The following RNF150 variants were observed in gnomAD, a reference collection of about 807,000 sequenced individuals.
RNF150 encodes the protein ring finger protein 150.
A neutral mutation model predicts 39.3 loss-of-function variants in RNF150; 24 were observed. The ratio of observed to expected loss-of-function variants is 0.61; its 90% confidence interval spans 0.44 to 0.86. The LOEUF (loss-of-function observed/expected upper bound fraction) is 0.86. Ranked by LOEUF, RNF150 falls within the 40% of genes least tolerant of loss-of-function variation. The probability of loss-of-function intolerance (pLI) is 0.00; values close to 1 mark genes in which losing one functional copy is unlikely to be tolerated. For missense variants in RNF150, 502 were observed against 587.8 expected (o/e 0.85, Z 1.51); for synonymous variants, 255 against 227.3 (o/e 1.12, Z -1.10).
chr4:140,874,189 C>G (rs932713577), intron 6 of RNF150, among the ~76,000 whole-genome samples: 1 of 152,156 alleles, frequency 6.6e-6, no homozygotes, highest in African/African-American at 2.4e-5. Flanking sequence ...TAAAGACTCA[C>G]AAGTTTCCCT....
chr4:141,201,181 T>C (rs986590591), intron 1 of RNF150, among the ~76,000 whole-genome samples: 22 of 152,052 alleles, frequency 1.4e-4, no homozygotes, highest in African/African-American at 5.1e-4. Flanking sequence ...ACCACCAATG[T>C]AGGTCCACAC....
At chr4:140,878,984 A>C (rs1428561928) in intron 6 of RNF150, among the ~76,000 whole-genome samples, 1 of 152,194 alleles carries the variant, frequency 6.6e-6, no homozygotes, top group Admixed American at 6.5e-5. Context: ...GTGGACCTCC[A>C]CTTTTCTCCA....
intron 1 of RNF150, among the ~76,000 whole-genome samples, chr4:141,201,270 C>T (rs1334370574): frequency 2.0e-5 from 3 of 152,150 alleles, no homozygotes; most frequent in African/African-American, 7.2e-5. Context: ...CCACATTACT[C>T]ACACAGAAGA....
At chr4:140,884,105 T>C (rs774996860) in intron 6 of RNF150, among the ~76,000 whole-genome samples, 8 of 152,174 alleles carry the variant, frequency 5.3e-5, no homozygotes, top group Non-Finnish European at 8.8e-5. Flanking sequence ...GTTACTGTAG[T>C]CTTCAACTCT....
In RNF150 at chr4:141,027,912, G is replaced by GTTTT. The variant is rs749317137; in HGVS notation, c.485-60043_485-60040dup. Reference sequence around the variant, plus strand: ...TAGATAGTTAATGAGCTTGGAATTTGTTTTTTTTTTTTTGTTTTTTTTTTT... The same window carrying GTTTT: ...TAGATAGTTAATGAGCTTGGAATTTGTTTTTTTTTTTTTTTTTGTTTTTTTTTTT... On this transcript the variant is annotated intron_variant, in intron 1 of 6. Transcript: ENST00000515673. Among the ~76,000 whole-genome samples the GTTTT allele has an allele frequency of 1.0e-3, 28 of 27,092 alleles. 2 individuals carry two copies. The highest frequency in any genetic ancestry group is 1.5e-3 in the Non-Finnish European group (17 of 11,588). 17.8% of individuals were successfully genotyped at this position (27,092 alleles called of 152,430 possible).
intron 1 of RNF150, among the ~76,000 whole-genome samples, chr4:141,198,618 G>GA (rs1728242763): frequency 6.6e-6 from 1 of 152,182 alleles, no homozygotes; most frequent in Admixed American, 6.5e-5. Flanking sequence ...ACGTCCAGAG[G>GA]ACCAGGACTA....
At chr4:141,096,149 A>G (rs938296683) in intron 1 of RNF150, among the ~76,000 whole-genome samples, 1 of 133,646 alleles carries the variant, frequency 7.5e-6, no homozygotes, top group Non-Finnish European at 1.6e-5. Flanking sequence ...AGTGGTGTGC[A>G]TTCATATTCT....
Position 140,988,537 on chromosome 4 carries a change from G to A in RNF150, c.485-20664C>T, listed in dbSNP as rs1037082080. The stretch of plus-strand genomic sequence containing the variant: ...AAGTTCTAGGGTACATGTGCACAAC[G>A]TGCAGGTTTGTTACATATGTATACA... On this transcript the variant is annotated intron_variant, in intron 1 of 6. Transcript: ENST00000515673. Among the ~76,000 whole-genome samples, 2 of 152,038 alleles carry A rather than the reference G, an allele frequency of 1.3e-5. 1 individual carries two copies. Among genetic ancestry groups the A allele is most frequent in the Non-Finnish European group, 2.9e-5 (2 of 67,978 alleles).
intron 6 of RNF150, among the ~76,000 whole-genome samples, chr4:140,901,067 T>C (rs1730169474): frequency 3.9e-5 from 6 of 152,178 alleles, no homozygotes; most frequent in Admixed American, 3.9e-4. Context: ...TGGGTTAATA[T>C]AAAATAGTAA....
At chr4:141,006,295 TACAC>T (rs55837616) in intron 1 of RNF150, among the ~76,000 whole-genome samples, 1 of 129,138 alleles carries the variant, frequency 7.7e-6, no homozygotes, top group African/African-American at 2.9e-5. Flanking sequence ...CGTATATATA[TACAC>T]ACACACACAC....
At chr4:141,139,695 A>G (rs1176813889) in intron 1 of RNF150, among the ~76,000 whole-genome samples, 6 of 152,248 alleles carry the variant, frequency 3.9e-5, no homozygotes, top group Admixed American at 3.3e-4. Flanking sequence ...TTTATTAACT[A>G]CATAGACTGT....
chr4:140,954,320 T>G (rs1341230305), intron 2 of RNF150, among the ~76,000 whole-genome samples: 1 of 152,146 alleles, frequency 6.6e-6, no homozygotes, highest in Non-Finnish European at 1.5e-5. Flanking sequence ...GTTCAACTGA[T>G]TCTCATACCT....
chr4:141,026,622 C>T (rs192052062), intron 1 of RNF150, among the ~76,000 whole-genome samples: 2 of 152,270 alleles, frequency 1.3e-5, no homozygotes, highest in Admixed American at 1.3e-4. Context: ...GCTTCTTAGA[C>T]CCTTCAACAC....
At chr4:141,100,497 C>T (rs1475302620) in intron 1 of RNF150, among the ~76,000 whole-genome samples, 1 of 152,220 alleles carries the variant, frequency 6.6e-6, no homozygotes, top group Admixed American at 6.5e-5. Context: ...CAAGGACGTT[C>T]ACACTTTCAT....
chr4:141,138,681 G>A (rs1286159269), intron 1 of RNF150, among the ~76,000 whole-genome samples: 2 of 152,146 alleles, frequency 1.3e-5, no homozygotes, highest in Non-Finnish European at 2.9e-5. Flanking sequence ...GACATTTGGC[G>A]CCAGGCAATC....
chr4:141,182,095 T>C (rs895988183), intron 1 of RNF150, among the ~76,000 whole-genome samples: 1 of 151,672 alleles, frequency 6.6e-6, no homozygotes, highest in Non-Finnish European at 1.5e-5. Context: ...ATTATCTCAA[T>C]AGATGCAGAA....
chr4:140,893,616 T>A (rs1354803167), intron 6 of RNF150, among the ~76,000 whole-genome samples: 2 of 152,210 alleles, frequency 1.3e-5, no homozygotes, highest in Admixed American at 1.3e-4. Context: ...GTTTCTCTTT[T>A]AGAACCATGC....
At chr4:140,968,433 G>A (rs555923301) in intron 1 of RNF150, among the ~76,000 whole-genome samples, 4 of 151,822 alleles carry the variant, frequency 2.6e-5, no homozygotes, top group African/African-American at 9.7e-5. Context: ...ACATTAAGAA[G>A]CTCTAATATG....
At chr4:140,967,925 G>A in intron 1 of RNF150, 52 bp from the exon 2 acceptor site, 5 of 1,527,428 alleles carry the variant, frequency 3.3e-6, no homozygotes, top group Non-Finnish European at 4.5e-6. Flanking sequence ...ATAAGATATG[G>A]GGGATCCCAG....
Sources: gnomAD v4.1 joint callset for allele counts (sites outside exome capture counted in the v4.1 genomes callset) on GRCh38, gnomAD v4.1.1 for gene constraint, MANE v1.5 for transcripts, NCBI Gene and HGNC (gene_info 2026-07-23, HGNC 2026-07-21) for gene names.